Variants in EZH2 observed in about 807,000 individuals in gnomAD.
The protein encoded by EZH2 is enhancer of zeste 2 polycomb repressive complex 2 subunit.
In EZH2, 18 loss-of-function variants were observed where a neutral mutation model predicts 98.4. The observed-to-expected ratio is 0.18, with a 90% CI of 0.13 to 0.27. The LOEUF is 0.27. EZH2 is among the 10% of genes least tolerant of loss of function. EZH2 has a pLI of 1.00. For synonymous variants in EZH2, 338 were observed against 312.3 expected, an observed-to-expected ratio of 1.08 and a Z score of -0.87; for missense variants, 470 against 935.1, an observed-to-expected ratio of 0.50 and a Z score of 6.49.
At chr7:148,873,913 G>C (rs1819825571) in intron 1 of EZH2, among the ~76,000 whole-genome samples, 1 of 152,160 alleles carries the variant, frequency 6.6e-6, no homozygotes, top group South Asian at 2.1e-4. Flanking sequence ...CAGGAAAGAA[G>C]CTGCTTAACT....
intron 1 of EZH2, among the ~76,000 whole-genome samples, chr7:148,853,798 C>A (rs961306809): frequency 6.6e-6 from 1 of 151,792 alleles, no homozygotes; most frequent in African/African-American, 2.4e-5. Flanking sequence ...AATGTAGAAT[C>A]CCATTTACAG....
intron 3 of EZH2, among the ~76,000 whole-genome samples, chr7:148,833,265 T>C (rs1028641463): frequency 2.6e-5 from 4 of 151,966 alleles, no homozygotes; most frequent in African/African-American, 7.3e-5. Context: ...GAGACCATCC[T>C]GGCTAACACG....
Position 148,831,286 on chromosome 7 carries a change from T to A in EZH2, c.363+1348A>T, listed in dbSNP as rs143382904. Among the ~76,000 whole-genome samples, 6 of 152,332 alleles carry A rather than the reference T, an allele frequency of 3.9e-5. No individual in the cohort carries two copies. In the East Asian group the frequency reaches 1.2e-3, roughly 29 times the overall value. On this transcript the variant is annotated intron_variant, in intron 4 of 19. Coordinates refer to ENST00000320356, the MANE Select transcript of EZH2 (RefSeq NM_004456.5). Reference sequence around the variant, plus strand: ...TGCAGGTTTTAATGTATTCATATATTCAAATTCAAGCTTATGTACACACTA... The same window carrying A: ...TGCAGGTTTTAATGTATTCATATATACAAATTCAAGCTTATGTACACACTA...
intron 3 of EZH2, among the ~76,000 whole-genome samples, chr7:148,844,243 A>T (rs1176112328): frequency 6.6e-6 from 1 of 152,262 alleles, no homozygotes; most frequent in Non-Finnish European, 1.5e-5. Context: ...TAAACGAAAG[A>T]AAAAATAAAC....
chr7:148,807,515 AAAT>A lies in EZH2; in HGVS notation c.*128_*130del, dbSNP rs1801783948. 4 of 740,804 alleles carry A rather than the reference AAAT, an allele frequency of 5.4e-6. No homozygotes were observed. Among genetic ancestry groups the A allele is most frequent in the Non-Finnish European group, 9.2e-6 (4 of 436,504 alleles). 45.9% of individuals were successfully genotyped at this position (740,804 alleles called of 1,614,324 possible). Reference sequence around the variant, plus strand: ...AGTTGATTTTTAAACTCATTACTATAAATTATTCTTACAGTACTTTGCAAATTC... The same window carrying A: ...AGTTGATTTTTAAACTCATTACTATATATTCTTACAGTACTTTGCAAATTC... On this transcript the variant is annotated 3_prime_UTR_variant, in exon 20 of 20. Coordinates refer to ENST00000320356, the MANE Select transcript of EZH2 (RefSeq NM_004456.5).
chr7:148,811,322 T>G (rs1803023123), intron 16 of EZH2, among the ~76,000 whole-genome samples: 3 of 152,132 alleles, frequency 2.0e-5, no homozygotes, highest in Admixed American at 6.5e-5. Flanking sequence ...GGCTAATTTT[T>G]GCATTTTTTG....
chr7:148,872,116 C>G (rs1189387814), intron 1 of EZH2, among the ~76,000 whole-genome samples: 3 of 152,172 alleles, frequency 2.0e-5, no homozygotes, highest in Admixed American at 6.5e-5. Flanking sequence ...TTTTAAAATG[C>G]AGTCTATACA....
At chr7:148,854,126 T>A (rs992250779) in intron 1 of EZH2, among the ~76,000 whole-genome samples, 1 of 152,186 alleles carries the variant, frequency 6.6e-6, no homozygotes, top group Non-Finnish European at 1.5e-5. Context: ...GTCCCATAGG[T>A]ATTGTCAGAG....
chr7:148,819,010 C>T, intron 9 of EZH2: 1 of 455,634 alleles, frequency 2.2e-6, no homozygotes, highest in South Asian at 1.6e-5. Context: ...AATCTTCTGT[C>T]CAAAATCCAA....
chr7:148,882,021 A>C lies in EZH2; in HGVS notation c.-8+2143T>G, dbSNP rs149757046. Among the ~76,000 whole-genome samples, 1,376 of 151,146 alleles carry C rather than the reference A, an allele frequency of 9.1e-3. 29 individuals are homozygous for C. Among genetic ancestry groups the C allele is most frequent in the African/African-American group, 0.03 (1,232 of 41,114 alleles). Reference sequence around the variant, plus strand: ...ACACATATGTATCCTAAAATATCCGAATTTCTGCCAAAAATCTGCATAACT... The same window carrying C: ...ACACATATGTATCCTAAAATATCCGCATTTCTGCCAAAAATCTGCATAACT... On this transcript the variant is annotated intron_variant, in intron 1 of 19. Transcript: ENST00000320356.
rs73471845 is a variant in EZH2, at chr7:148,864,542, G to A, written c.-7-17237C>T. ...TACTAAAAATACAAATTAGCCAGGC[G>A]TGATGGCATGTGCCTATAGTCCAAG... On this transcript the variant is annotated intron_variant, in intron 1 of 19. Coordinates refer to ENST00000320356, the MANE Select transcript of EZH2 (RefSeq NM_004456.5). Among the ~76,000 whole-genome samples, 479 of 152,054 alleles carry A rather than the reference G, an allele frequency of 3.2e-3. 1 individual carries two copies. The highest frequency in any genetic ancestry group is 0.011 in the African/African-American group (461 of 41,480).
intron 8 of EZH2, among the ~76,000 whole-genome samples, chr7:148,825,973 G>A (rs1319763707): frequency 6.6e-6 from 1 of 151,894 alleles, no homozygotes; most frequent in Non-Finnish European, 1.5e-5. Context: ...AACATTTTAC[G>A]TTTTACTTGT....
chr7:148,882,332 TTGGAA>T (rs1349739593), intron 1 of EZH2, among the ~76,000 whole-genome samples: 1 of 152,242 alleles, frequency 6.6e-6, no homozygotes, highest in African/African-American at 2.4e-5. Flanking sequence ...ACTTGTTTTC[TTGGAA>T]TATATTCACT....
At chr7:148,869,459 C>T (rs1819011881) in intron 1 of EZH2, among the ~76,000 whole-genome samples, 1 of 151,462 alleles carries the variant, frequency 6.6e-6, no homozygotes, top group Admixed American at 6.6e-5. Flanking sequence ...GACCCTCTCA[C>T]CTCACTCTCC....
At chr7:148,843,638 C>T (rs958338123) in intron 3 of EZH2, among the ~76,000 whole-genome samples, 1 of 128,706 alleles carries the variant, frequency 7.8e-6, no homozygotes, top group African/African-American at 3.3e-5. Context: ...CTCTGTCGCC[C>T]AGGCTGGAGT....
intron 1 of EZH2, among the ~76,000 whole-genome samples, chr7:148,869,429 T>TCTA (rs1819009212): frequency 6.9e-6 from 1 of 144,542 alleles, no homozygotes; most frequent in East Asian, 2.1e-4. Flanking sequence ...CACTGCAGTC[T>TCTA]CTACCTTCTG....
At chr7:148,863,371 TG>T (rs1198982135) in intron 1 of EZH2, among the ~76,000 whole-genome samples, 1 of 152,224 alleles carries the variant, frequency 6.6e-6, no homozygotes, top group Non-Finnish European at 1.5e-5. Flanking sequence ...TTATTATACC[TG>T]TCAAACTACA....
At chr7:148,861,607 T>C (rs1179486332) in intron 1 of EZH2, among the ~76,000 whole-genome samples, 1 of 151,992 alleles carries the variant, frequency 6.6e-6, no homozygotes, top group Non-Finnish European at 1.5e-5. Flanking sequence ...AACCTGAAAA[T>C]ATGGAGGGCC....
rs80354616 is a variant in EZH2, at chr7:148,852,310, T to C, written c.-7-5005A>G. 8.5e-3 allele frequency among the ~76,000 whole-genome samples: 1,288 copies of C among 152,326 alleles called. 29 individuals are homozygous for C. Among genetic ancestry groups the C allele is most frequent in the African/African-American group, 0.03 (1,234 of 41,568 alleles). ...AAACTCAGAAATACCCTGAACACCA[T>C]GCCTTACCATCTTACTTTATCCCAC... On this transcript the variant is annotated intron_variant, in intron 1 of 19. Coordinates refer to ENST00000320356, the MANE Select transcript of EZH2 (RefSeq NM_004456.5).
Sources: allele counts gnomAD v4.1 joint callset (sites outside exome capture counted in the v4.1 genomes callset), GRCh38; gene constraint gnomAD v4.1.1; transcripts MANE v1.5; gene names NCBI Gene and HGNC (gene_info 2026-07-23, HGNC 2026-07-21).